The following FAM174A variants were observed in gnomAD, a reference collection of about 807,000 sequenced individuals.
FAM174A encodes membrane protein FAM174A.
FAM174A carries 14 observed loss-of-function variants against 14.3 expected under a neutral mutation model. That is an observed-to-expected ratio of 0.98 (90% confidence interval 0.65 to 1.53). The LOEUF (loss-of-function observed/expected upper bound fraction) is 1.53, where lower values mean the gene tolerates loss of function less well. Among genes scored for constraint, FAM174A ranks in the 40% most tolerant of loss-of-function variants. The pLI, the probability that FAM174A is intolerant of heterozygous loss-of-function variation, is 0.00. For missense variants in FAM174A, 241 were observed against 249.6 expected, an observed-to-expected ratio of 0.97 and a Z score of 0.23; for synonymous variants, 108 against 111.4, an observed-to-expected ratio of 0.97 and a Z score of 0.19.
At chr5:100,554,574 T>A (rs1206809144) in intron 1 of FAM174A, among the ~76,000 whole-genome samples, 1 of 152,064 alleles carries the variant, frequency 6.6e-6, no homozygotes, top group African/African-American at 2.4e-5. Flanking sequence ...CCTCCCAAAG[T>A]GTTGGGATTA....
chr5:100,537,401 GTTAAC>G (rs1745962689), intron 1 of FAM174A, among the ~76,000 whole-genome samples: 1 of 151,782 alleles, frequency 6.6e-6, no homozygotes. Flanking sequence ...TAAAAGTTAT[GTTAAC>G]TTGTAATGTG....
rs566477832 is a variant in FAM174A, at chr5:100,580,292, T to C, written c.570-5889T>C. On this transcript the variant is annotated intron_variant, in intron 2 of 2. Coordinates refer to ENST00000312637, the MANE Select transcript of FAM174A (RefSeq NM_198507.3). ...TGTGTGTCTTATAAACTCTGAAATA[T>C]AGTACCGTTCATAGGAAAGGTCATA... Among the ~76,000 whole-genome samples the C allele has an allele frequency of 2.0e-5, 3 of 152,316 alleles. No homozygotes were observed. In the South Asian group the frequency reaches 6.2e-4, roughly 32 times the overall value.
chr5:100,566,217 T>C (rs1258539329), intron 2 of FAM174A, among the ~76,000 whole-genome samples: 4 of 145,504 alleles, frequency 2.7e-5, no homozygotes, highest in African/African-American at 1.0e-4. Flanking sequence ...CTATTGAATA[T>C]TATTCAGCCT....
chr5:100,573,800 G>A (rs1412382865), intron 2 of FAM174A, among the ~76,000 whole-genome samples: 1 of 151,014 alleles, frequency 6.6e-6, no homozygotes, highest in African/African-American at 2.5e-5. Context: ...AAAGCTGGAG[G>A]CATCACACTA....
chr5:100,574,677 T>C (rs1043748815), intron 2 of FAM174A, among the ~76,000 whole-genome samples: 13 of 152,154 alleles, frequency 8.5e-5, no homozygotes, highest in Admixed American at 4.6e-4. Flanking sequence ...TTGACTCTTA[T>C]TGAATAAAAA....
chr5:100,556,638 T>C (rs1580368935), intron 1 of FAM174A, among the ~76,000 whole-genome samples: 1 of 152,308 alleles, frequency 6.6e-6, no homozygotes, highest in Middle Eastern at 3.4e-3. Context: ...TTTGTAGTTC[T>C]CCTTGAAGAG....
intron 1 of FAM174A, among the ~76,000 whole-genome samples, chr5:100,540,867 G>T (rs191315191): frequency 6.6e-6 from 1 of 152,196 alleles, no homozygotes; most frequent in Non-Finnish European, 1.5e-5. Flanking sequence ...GCTTGCTCAT[G>T]TAATGCCACA....
chr5:100,570,395 A>G (rs1746756120), intron 2 of FAM174A, among the ~76,000 whole-genome samples: 1 of 151,978 alleles, frequency 6.6e-6, no homozygotes. Flanking sequence ...TACACTATCA[A>G]TTCATTAAAC....
chr5:100,555,452 G>A (rs538004572), intron 1 of FAM174A, among the ~76,000 whole-genome samples: 4 of 152,246 alleles, frequency 2.6e-5, no homozygotes, highest in African/African-American at 7.2e-5. Context: ...CCAGTAACGG[G>A]ATGGCTGGGT....
intron 1 of FAM174A, among the ~76,000 whole-genome samples, chr5:100,548,012 GA>G (rs1746195844): frequency 6.6e-6 from 1 of 152,022 alleles, no homozygotes; most frequent in South Asian, 2.1e-4. Context: ...GGAGGGAAGG[GA>G]CTATGAACGG....
intron 2 of FAM174A, among the ~76,000 whole-genome samples, chr5:100,584,952 T>C (rs1747098041): frequency 6.6e-6 from 1 of 152,214 alleles, no homozygotes; most frequent in Admixed American, 6.5e-5. Context: ...TGGCATTTTG[T>C]ATGGGTGTCA....
Position 100,586,309 on chromosome 5 carries a change from C to A in FAM174A, c.*125C>A. On this transcript the variant is annotated 3_prime_UTR_variant, in exon 3 of 3. Coordinates refer to ENST00000312637, the MANE Select transcript of FAM174A (RefSeq NM_198507.3). ...ATTTAAGTTACATATATTTTAACAA[C>A]CTTTAATTTGCTGTTGCAATAAATA... is the stretch of plus-strand genomic sequence containing the variant. 1 of 583,402 alleles carries A rather than the reference C, an allele frequency of 1.7e-6. No homozygotes were observed. The highest frequency in any genetic ancestry group is 2.7e-5 in the South Asian group (1 of 37,342). 36.1% of individuals were successfully genotyped at this position (583,402 alleles called of 1,614,324 possible). A position where few individuals can be genotyped will look rare whatever the true frequency, so the allele number is the denominator to read the frequency against.
intron 1 of FAM174A, among the ~76,000 whole-genome samples, chr5:100,558,128 G>C (rs903001930): frequency 6.6e-6 from 1 of 152,104 alleles, no homozygotes; most frequent in African/African-American, 2.4e-5. Context: ...AGAGATTCTG[G>C]TATGTTGTGC....
At chr5:100,542,382 A>C (rs1374227192) in intron 1 of FAM174A, among the ~76,000 whole-genome samples, 1 of 152,222 alleles carries the variant, frequency 6.6e-6, no homozygotes, top group African/African-American at 2.4e-5. Context: ...TCAAACTAGA[A>C]ACCTAAGTCA....
intron 2 of FAM174A, among the ~76,000 whole-genome samples, chr5:100,572,399 G>T (rs189921678): frequency 1.5e-5 from 1 of 68,776 alleles, no homozygotes; most frequent in African/African-American, 4.8e-5. Flanking sequence ...TATCCCTCCC[G>T]CCTCCCCCCA....
At chr5:100,571,661 AGTGTGT>A (rs1408877377) in intron 2 of FAM174A, among the ~76,000 whole-genome samples, 1 of 120,722 alleles carries the variant, frequency 8.3e-6, no homozygotes, top group African/African-American at 3.3e-5. Context: ...TATATACCTA[AGTGTGT>A]GTGTGTATAT....
chr5:100,582,682 C>T (rs988608166), intron 2 of FAM174A, among the ~76,000 whole-genome samples: 1 of 151,908 alleles, frequency 6.6e-6, no homozygotes, highest in Non-Finnish European at 1.5e-5. Flanking sequence ...AAACTTGCCC[C>T]ATTGTAGTGT....
intron 1 of FAM174A, among the ~76,000 whole-genome samples, chr5:100,555,433 G>T (rs34462099): frequency 1.3e-5 from 2 of 152,002 alleles, no homozygotes; most frequent in Non-Finnish European, 1.5e-5. Context: ...TAGTCCTTTG[G>T]GTATATACCC....
In FAM174A at chr5:100,538,798, C is replaced by T. The variant is rs1432131265; in HGVS notation, c.434+2834C>T. 2.0e-5 allele frequency among the ~76,000 whole-genome samples: 3 copies of T among 151,614 alleles called. No homozygotes were observed. In the East Asian group the frequency reaches 5.8e-4, roughly 29 times the overall value. On this transcript the variant is annotated intron_variant, in intron 1 of 2. Coordinates refer to ENST00000312637, the MANE Select transcript of FAM174A (RefSeq NM_198507.3). ...TGACGGAACAAAGAACTGCGAAGAT[C>T]TCAATTAATACTTTTATTTCCTTCC...
Sources: allele counts gnomAD v4.1 joint callset (sites outside exome capture counted in the v4.1 genomes callset), GRCh38; gene constraint gnomAD v4.1.1; transcripts MANE v1.5; gene names NCBI Gene and HGNC (gene_info 2026-07-23, HGNC 2026-07-21).